The following PDE10A variants were observed in gnomAD, a reference collection of about 807,000 sequenced individuals.
PDE10A encodes the protein phosphodiesterase 10A, also known as cAMP and cAMP-inhibited cGMP 3',5'-cyclic phosphodiesterase 10A.
A neutral mutation model predicts 97.7 loss-of-function variants in PDE10A; 39 were observed. The ratio of observed to expected loss-of-function variants is 0.40; its 90% CI spans 0.31 to 0.52. PDE10A has a LOEUF of 0.52. Among genes scored for constraint, PDE10A ranks in the 20% least tolerant of loss-of-function variants. PDE10A has a pLI of 0.56. For synonymous variants in PDE10A, 371 were observed against 376.8 expected (o/e 0.98, Z 0.18); for missense variants, 731 against 1,047.8 (o/e 0.70, Z 4.17).
chr6:165,339,491 A>G, intron 19 of PDE10A, 133 bp from the exon 20 acceptor site: 1 of 627,260 alleles, frequency 1.6e-6, no homozygotes, highest in South Asian at 2.0e-5. Flanking sequence ...TAACCCAAGA[A>G]AAGTACATCA....
intron 1 of PDE10A, among the ~76,000 whole-genome samples, chr6:165,945,240 A>G (rs1354604725): frequency 6.6e-6 from 1 of 152,178 alleles, no homozygotes; most frequent in Non-Finnish European, 1.5e-5. Flanking sequence ...CCACCTTAGA[A>G]TCAGTTCCTC....
rs538386088 is a variant in PDE10A, at chr6:165,529,543, G to T, written c.994+13897C>A. Among the ~76,000 whole-genome samples the T allele has an allele frequency of 1.7e-4, 26 of 152,278 alleles. 1 individual carries two copies. The South Asian group carries it at 2.5e-3, about 15-fold the overall frequency. On this transcript the variant is annotated intron_variant, in intron 2 of 21. Transcript: ENST00000539869. ...AGAAGGTAGTCATCATACCAGCTAC[G>T]ACCACATGACCAGTGGCAGAAATGA...
rs77557851 is a variant in PDE10A, at chr6:165,874,246, A to G, written c.-615+113283T>C. On this transcript the variant is annotated intron_variant, in intron 1 of 19. Transcript: ENST00000366882. Reference sequence around the variant, plus strand: ...TTGCCTTCATTAAACCCTGTTTTTCAAATGTGGAGACAGATTCAAAGTTGG... The same window carrying G: ...TTGCCTTCATTAAACCCTGTTTTTCGAATGTGGAGACAGATTCAAAGTTGG... 3.8e-3 allele frequency among the ~76,000 whole-genome samples: 576 copies of G among 152,308 alleles called. 3 individuals are homozygous for G. Among genetic ancestry groups the G allele is most frequent in the African/African-American group, 0.013 (560 of 41,558 alleles).
At chr6:165,961,404 A>G (rs1022762069) in intron 1 of PDE10A, among the ~76,000 whole-genome samples, 2 of 152,196 alleles carry the variant, frequency 1.3e-5, no homozygotes, top group Non-Finnish European at 2.9e-5. Flanking sequence ...ATGAAATGCG[A>G]TCATGTGGAA....
At chr6:165,540,755 A>T (rs999546188) in intron 2 of PDE10A, among the ~76,000 whole-genome samples, 19 of 152,124 alleles carry the variant, frequency 1.2e-4, no homozygotes, top group African/African-American at 4.3e-4. Flanking sequence ...TCAGCCTCCC[A>T]AGTAGCTGGG....
chr6:165,908,439 A>G (rs1782359939), intron 1 of PDE10A, among the ~76,000 whole-genome samples: 1 of 152,226 alleles, frequency 6.6e-6, no homozygotes, highest in Non-Finnish European at 1.5e-5. Context: ...GGAATTGCAG[A>G]GTACTCAATT....
intron 1 of PDE10A, among the ~76,000 whole-genome samples, chr6:165,588,281 C>CTTTTT (rs1216263426): frequency 2.7e-5 from 1 of 37,032 alleles, no homozygotes; most frequent in African/African-American, 5.7e-5. Context: ...ATTTTTTTTT[C>CTTTTT]TTTTTTTTTT....
At chr6:165,920,811 T>C (rs1782733541) in intron 1 of PDE10A, among the ~76,000 whole-genome samples, 1 of 152,196 alleles carries the variant, frequency 6.6e-6, no homozygotes, top group African/African-American at 2.4e-5. Flanking sequence ...ATTCCATGGG[T>C]TAGGGATTTT....
At chr6:165,975,122 T>G (rs1367058740) in intron 1 of PDE10A, among the ~76,000 whole-genome samples, 1 of 152,194 alleles carries the variant, frequency 6.6e-6, no homozygotes, top group Admixed American at 6.5e-5. Context: ...TGCTGTGGCC[T>G]CTCCCCAAGA....
At chr6:165,354,365 A>C (rs2128188431) in intron 18 of PDE10A, among the ~76,000 whole-genome samples, 1 of 152,304 alleles carries the variant, frequency 6.6e-6, no homozygotes, top group East Asian at 1.9e-4. Context: ...CCATTGGATA[A>C]CCACATTAGT....
intron 1 of PDE10A, among the ~76,000 whole-genome samples, chr6:165,853,138 A>G (rs1336258563): frequency 6.6e-6 from 1 of 152,180 alleles, no homozygotes; most frequent in Non-Finnish European, 1.5e-5. Context: ...CAACTTCTCC[A>G]CAGTCCCGGA....
intron 1 of PDE10A, among the ~76,000 whole-genome samples, chr6:165,954,674 C>T (rs886132624): frequency 3.9e-5 from 6 of 152,188 alleles, no homozygotes; most frequent in East Asian, 1.9e-4. Flanking sequence ...AGTTGCAAGG[C>T]GGGCACAGCA....
intron 1 of PDE10A, among the ~76,000 whole-genome samples, chr6:165,944,935 G>A (rs1253100301): frequency 6.6e-6 from 1 of 152,220 alleles, no homozygotes; most frequent in African/African-American, 2.4e-5. Context: ...TCAATTTCTA[G>A]TTTTGCCAGC....
At chr6:165,379,516 T>A (rs1302812685) in intron 17 of PDE10A, 150 bp from the exon 18 acceptor site, 4 of 583,728 alleles carry the variant, frequency 6.9e-6, no homozygotes, top group Non-Finnish European at 1.1e-5. Flanking sequence ...TTTTGAATAG[T>A]TAGAAATGAC....
intron 1 of PDE10A, among the ~76,000 whole-genome samples, chr6:165,634,529 C>T (rs1167500584): frequency 6.6e-6 from 1 of 152,054 alleles, no homozygotes; most frequent in Admixed American, 6.6e-5. Context: ...TTCAAATATA[C>T]ACAAACTACA....
intron 2 of PDE10A, among the ~76,000 whole-genome samples, chr6:165,510,467 G>T (rs751736847): frequency 6.6e-6 from 1 of 151,926 alleles, no homozygotes. Flanking sequence ...ATGTTTATCA[G>T]AGATAGATAT....
rs556384648 is a variant in PDE10A, at chr6:165,501,045, G to A, written c.995-18702C>T. On this transcript the variant is annotated intron_variant, in intron 2 of 21. Coordinates refer to ENST00000539869, the MANE Select transcript of PDE10A (RefSeq NM_001385079.1). Reference sequence around the variant, plus strand: ...ATTGTCCTGCCACATCCCCCTCTCCGAGATGGTAGAGATAATGACCAACAA... The same window carrying A: ...ATTGTCCTGCCACATCCCCCTCTCCAAGATGGTAGAGATAATGACCAACAA... Among the ~76,000 whole-genome samples the A allele has an allele frequency of 4.7e-4, 71 of 152,162 alleles. 1 individual carries two copies. In the South Asian group the frequency reaches 0.014, roughly 30 times the overall value.
At chr6:165,367,426 T>C (rs1207113356) in intron 18 of PDE10A, among the ~76,000 whole-genome samples, 1 of 151,814 alleles carries the variant, frequency 6.6e-6, no homozygotes, top group Non-Finnish European at 1.5e-5. Context: ...TAACACAGTA[T>C]AAAGGGGTCT....
intron 9 of PDE10A, among the ~76,000 whole-genome samples, chr6:165,429,163 A>C (rs2128236738): frequency 6.6e-6 from 1 of 152,274 alleles, no homozygotes; most frequent in South Asian, 2.1e-4. Flanking sequence ...GTACTGAGAA[A>C]GTAATGTAAT....
Sources: allele counts gnomAD v4.1 joint callset (sites outside exome capture counted in the v4.1 genomes callset), GRCh38; gene constraint gnomAD v4.1.1; transcripts MANE v1.5; gene names NCBI Gene and HGNC (gene_info 2026-07-23, HGNC 2026-07-21).